Variants in EPHB1 observed in about 807,000 individuals in gnomAD.
The protein encoded by EPHB1 is EPH receptor B1.
A neutral mutation model predicts 94.4 loss-of-function variants in EPHB1; 30 were observed. The ratio of observed to expected loss-of-function variants is 0.32; its 90% CI spans 0.24 to 0.43. The LOEUF (loss-of-function observed/expected upper bound fraction) is 0.43, where lower values mean the gene tolerates loss of function less well. Ranked by LOEUF, EPHB1 falls within the 20% of genes least tolerant of loss-of-function variation. The probability of loss-of-function intolerance (pLI) is 1.00; values close to 1 mark genes in which losing one functional copy is unlikely to be tolerated. For missense variants in EPHB1, 1,055 were observed against 1,308.3 expected (o/e 0.81, Z 2.99); for synonymous variants, 522 against 489.1 (o/e 1.07, Z -0.89).
At chr3:135,143,216 G>A (rs937505152) in intron 5 of EPHB1, among the ~76,000 whole-genome samples, 10 of 152,094 alleles carry the variant, frequency 6.6e-5, no homozygotes, top group African/African-American at 1.9e-4. Flanking sequence ...TCAAGAAGAG[G>A]CCCACAACTC....
intron 1 of EPHB1, among the ~76,000 whole-genome samples, chr3:134,796,885 G>A (rs2035839962): frequency 6.6e-6 from 1 of 152,236 alleles, no homozygotes; most frequent in South Asian, 2.1e-4. Context: ...AGCTCGCTCC[G>A]CTTGTTACTC....
intron 3 of EPHB1, among the ~76,000 whole-genome samples, chr3:135,012,709 C>T (rs1401964293): frequency 6.6e-6 from 1 of 152,172 alleles, no homozygotes; most frequent in Non-Finnish European, 1.5e-5. Context: ...CTCTCTGTCC[C>T]CACTGCCCTG....
At chr3:134,982,577 A>G (rs1032006333) in intron 3 of EPHB1, among the ~76,000 whole-genome samples, 1 of 152,188 alleles carries the variant, frequency 6.6e-6, no homozygotes, top group African/African-American at 2.4e-5. Context: ...AGCACGTCTC[A>G]TTACGCTGAA....
At chr3:134,795,798 C>G in intron 1 of EPHB1, 109 bp downstream of exon 1, 1 of 1,255,052 alleles carries the variant, frequency 8.0e-7, no homozygotes, top group Non-Finnish European at 1.1e-6. Context: ...GCAGGCATCC[C>G]GGGACCCGAG....
intron 2 of EPHB1, among the ~76,000 whole-genome samples, chr3:134,926,600 G>GA (rs1482123867): frequency 5.3e-5 from 8 of 152,218 alleles, no homozygotes; most frequent in African/African-American, 1.9e-4. Context: ...ACATAAGAGG[G>GA]AAGAGTCTGT....
intron 4 of EPHB1, among the ~76,000 whole-genome samples, chr3:135,119,854 T>A (rs761132390): frequency 6.6e-6 from 1 of 152,256 alleles, no homozygotes; most frequent in African/African-American, 2.4e-5. Flanking sequence ...TTCTTTTTTA[T>A]CTTATTAAAA....
intron 1 of EPHB1, among the ~76,000 whole-genome samples, chr3:134,866,556 G>A (rs934654832): frequency 6.6e-6 from 1 of 152,184 alleles, no homozygotes; most frequent in African/African-American, 2.4e-5. Flanking sequence ...CACTGCTGGA[G>A]TGGGGGTATG....
At chr3:135,169,781 C>T (rs1941751463) in intron 9 of EPHB1, among the ~76,000 whole-genome samples, 1 of 152,174 alleles carries the variant, frequency 6.6e-6, no homozygotes, top group African/African-American at 2.4e-5. Flanking sequence ...AGGAACTAAT[C>T]TAGGAGGGTT....
At chr3:134,798,293 G>GC (rs1156481577) in intron 1 of EPHB1, among the ~76,000 whole-genome samples, 1 of 152,176 alleles carries the variant, frequency 6.6e-6, no homozygotes, top group Non-Finnish European at 1.5e-5. Flanking sequence ...AGGAGATGTG[G>GC]CCAGAGGAAG....
chr3:135,076,251 ATATATATAT>A (rs1290825903), intron 3 of EPHB1, among the ~76,000 whole-genome samples: 3 of 145,058 alleles, frequency 2.1e-5, no homozygotes, highest in African/African-American at 8.3e-5. Context: ...ATATATATAT[ATATATATAT>A]AACTCTTAAA....
rs367823370 is a variant in EPHB1, at chr3:135,241,195, C to T, written c.2394C>T (p.Tyr798=). 2.1e-5 allele frequency: 34 copies of T among 1,614,084 alleles called. 1 individual carries two copies. In the African/African-American group the frequency reaches 2.8e-4, roughly 13 times the overall value. Residue 798 remains tyrosine (Y), a synonymous_variant, in exon 13 of 16, where the codon TAC becomes TAT. Coordinates refer to ENST00000398015, the MANE Select transcript of EPHB1 (RefSeq NM_004441.5). ...VRWTAPEAIA[Y]RKFTSASDVW... ...GGACAGCTCCAGAGGCCATCGCCTA[C>T]CGCAAGTTCACTTCAGCCAGCGACG...
intron 3 of EPHB1, among the ~76,000 whole-genome samples, chr3:135,096,689 T>C (rs1275344884): frequency 6.6e-6 from 1 of 152,192 alleles, no homozygotes. Flanking sequence ...CATTGTACAC[T>C]TACAGGGCAG....
At chr3:135,236,576 A>G (rs939115823) in intron 12 of EPHB1, among the ~76,000 whole-genome samples, 4 of 152,180 alleles carry the variant, frequency 2.6e-5, no homozygotes, top group Admixed American at 6.5e-5. Context: ...AACAACCTCA[A>G]TATACTTTAT....
chr3:135,052,910 T>TATA (rs1937217306), intron 3 of EPHB1, among the ~76,000 whole-genome samples: 1 of 52,652 alleles, frequency 1.9e-5, no homozygotes. Flanking sequence ...TATATATATA[T>TATA]GTGTGTGTGT....
chr3:135,229,105 A>G (rs952332929), intron 12 of EPHB1, among the ~76,000 whole-genome samples: 1 of 152,212 alleles, frequency 6.6e-6, no homozygotes, highest in Admixed American at 6.5e-5. Context: ...CCTTTGAAGC[A>G]GACTCTGCCC....
In EPHB1 at chr3:134,828,101, A is replaced by T. The variant is rs192034785; in HGVS notation, c.58+32412A>T. ...TCCATGGGTGGCTTCCTTCTGTGCT[A>T]TGGACTCCTGCCTTCTCTTTTGTGG... On this transcript the variant is annotated intron_variant, in intron 1 of 15. Coordinates refer to ENST00000398015, the MANE Select transcript of EPHB1 (RefSeq NM_004441.5). Among the ~76,000 whole-genome samples the T allele has an allele frequency of 4.9e-4, 75 of 152,192 alleles. 1 individual carries two copies. In the East Asian group the frequency reaches 0.013, roughly 25 times the overall value.
intron 6 of EPHB1, among the ~76,000 whole-genome samples, chr3:135,161,063 A>G (rs1340388518): frequency 6.6e-6 from 1 of 152,194 alleles, no homozygotes; most frequent in Admixed American, 6.5e-5. Context: ...GATGGGGAAC[A>G]TCAAGAAAGA....
At chr3:135,164,806 CAAAAAA>C (rs59870139) in intron 7 of EPHB1, among the ~76,000 whole-genome samples, 1 of 86,408 alleles carries the variant, frequency 1.2e-5, no homozygotes, top group Non-Finnish European at 2.2e-5. Flanking sequence ...AAGACTGTCT[CAAAAAA>C]AAAAAAAAAA....
rs185573405 is a variant in EPHB1, at chr3:135,201,527, C to T, written c.2184C>T (p.Ile728=). 42 of 1,613,958 alleles carry T rather than the reference C, an allele frequency of 2.6e-5. No individual in the cohort carries two copies. The East Asian group carries it at 4.2e-4, about 16-fold the overall frequency. Residue 728 remains isoleucine, a synonymous_variant, in exon 12 of 16, where the codon ATC becomes ATT. Coordinates refer to ENST00000398015, the MANE Select transcript of EPHB1 (RefSeq NM_004441.5). ...VIQLVGMLRG[I]AAGMKYLAEM... ...AGCTTGTGGGTATGCTCAGGGGCAT[C>T]GCTGCTGGCATGAAGTACCTGGCTG...
Sources: allele counts gnomAD v4.1 joint callset (sites outside exome capture counted in the v4.1 genomes callset), GRCh38; gene constraint gnomAD v4.1.1; transcripts MANE v1.5; gene names NCBI Gene and HGNC (gene_info 2026-07-23, HGNC 2026-07-21).